THSD4: variants seen among roughly 807,000 people sequenced by gnomAD.
THSD4 encodes the protein thrombospondin type 1 domain containing 4, also known as thrombospondin type-1 domain-containing protein 4.
A neutral mutation model predicts 119.0 loss-of-function variants in THSD4; 69 were observed. That is an observed-to-expected ratio of 0.58 (90% CI 0.48 to 0.71). THSD4 has a LOEUF of 0.71. Among genes scored for constraint, THSD4 ranks in the 30% least tolerant of loss-of-function variants. THSD4 has a pLI of 0.00. For synonymous variants in THSD4, 524 were observed against 540.4 expected (o/e 0.97, Z 0.42); for missense variants, 1,393 against 1,391.1 (o/e 1.00, Z -0.02).
intron 1 of THSD4, among the ~76,000 whole-genome samples, chr15:71,123,217 C>G (rs186416436): frequency 1.3e-5 from 2 of 152,284 alleles, no homozygotes; most frequent in East Asian, 3.9e-4. Flanking sequence ...CGCTGCTGTG[C>G]GTTAGTGGTC....
rs574382519 is a variant in THSD4, at chr15:71,670,718, TC to T, written c.1357+9990del. 5.5e-4 allele frequency among the ~76,000 whole-genome samples: 83 copies of T among 151,554 alleles called. 1 individual carries two copies. Among genetic ancestry groups the T allele is most frequent in the African/African-American group, 1.8e-3 (75 of 41,266 alleles). ...TGTCCAAGTGTTCTCATTGTTCATT[TC>T]CCCCCTATGAGTGAGAACATGCGGT... On this transcript the variant is annotated intron_variant, in intron 8 of 17. Coordinates refer to ENST00000261862, the MANE Select transcript of THSD4 (RefSeq NM_024817.3).
chr15:71,691,666 T>C (rs1303029914), intron 8 of THSD4, among the ~76,000 whole-genome samples: 1 of 152,202 alleles, frequency 6.6e-6, no homozygotes, highest in Non-Finnish European at 1.5e-5. Context: ...CAACACATGG[T>C]CTCTTTTAGT....
Position 71,341,454 on chromosome 15 carries a change from T to G in THSD4, c.1016-70233T>G, listed in dbSNP as rs1226517861. 2.5e-6 allele frequency: 4 copies of G among 1,613,218 alleles called. No individual in the cohort carries two copies. In the South Asian group the frequency reaches 4.4e-5, roughly 18 times the overall value. ...AGCATGTGCAGCAAGAATTCAGCAC[T>G]CTTTTTGGGCCACCGACCTTGTGTC... On this transcript the variant is annotated intron_variant, in intron 6 of 17. Coordinates refer to ENST00000261862, the MANE Select transcript of THSD4 (RefSeq NM_024817.3).
intron 4 of THSD4, among the ~76,000 whole-genome samples, chr15:71,218,527 T>A (rs915828743): frequency 2.6e-5 from 4 of 152,218 alleles, no homozygotes; most frequent in African/African-American, 9.6e-5. Flanking sequence ...CCAGTTAAAC[T>A]GTTTACTATG....
chr15:71,757,775 G>T, intron 14 of THSD4, 127 bp from the exon 15 acceptor site: 2 of 1,212,536 alleles, frequency 1.6e-6, no homozygotes, highest in Non-Finnish European at 2.3e-6. Flanking sequence ...ACGAGAAGCT[G>T]CCAGATATTT....
intron 4 of THSD4, among the ~76,000 whole-genome samples, chr15:71,216,720 G>A (rs773018337): frequency 2.0e-5 from 3 of 152,204 alleles, no homozygotes; most frequent in African/African-American, 7.2e-5. Flanking sequence ...CCTCTAGGAC[G>A]GTCTGCTCCT....
At chr15:71,675,250 G>A (rs1189702632) in intron 8 of THSD4, among the ~76,000 whole-genome samples, 1 of 152,054 alleles carries the variant, frequency 6.6e-6, no homozygotes, top group East Asian at 1.9e-4. Flanking sequence ...CTTAATACAT[G>A]GCAGAAGAAT....
chr15:71,199,828 G>C (rs554441029), intron 3 of THSD4, among the ~76,000 whole-genome samples: 170 of 142,222 alleles, frequency 1.2e-3, no homozygotes, highest in African/African-American at 4.0e-3. Flanking sequence ...CACGTGTGGG[G>C]TGTGTGTGTG....
chr15:71,638,323 C>T (rs372928370), intron 7 of THSD4, among the ~76,000 whole-genome samples: 198 of 152,244 alleles, frequency 1.3e-3, no homozygotes, highest in African/African-American at 4.7e-3. Flanking sequence ...TTTGTGGGCC[C>T]TTGGCTTCAC....
chr15:71,324,683 C>T (rs1240340447), intron 6 of THSD4, among the ~76,000 whole-genome samples: 1 of 152,104 alleles, frequency 6.6e-6, no homozygotes, highest in Non-Finnish European at 1.5e-5. Flanking sequence ...TGTATATATA[C>T]CACATTTTCT....
chr15:71,690,381 G>A (rs1458555840), intron 8 of THSD4, among the ~76,000 whole-genome samples: 1 of 152,206 alleles, frequency 6.6e-6, no homozygotes, highest in Non-Finnish European at 1.5e-5. Flanking sequence ...GCCTGAGTCT[G>A]TACTTCTAGA....
intron 6 of THSD4, among the ~76,000 whole-genome samples, chr15:71,281,312 T>G (rs748186113): frequency 2.6e-5 from 4 of 152,246 alleles, no homozygotes; most frequent in Non-Finnish European, 5.9e-5. Context: ...AAAACAGCCA[T>G]CAGGTGAGAG....
chr15:71,411,791 G>A lies in THSD4; in HGVS notation c.1120G>A (p.Gly374Ser), dbSNP rs776054240. 43 of 1,613,934 alleles carry A rather than the reference G, an allele frequency of 2.7e-5. No homozygotes were observed. Among genetic ancestry groups the A allele is most frequent in the African/African-American group, 1.5e-4 (11 of 74,892 alleles). ...VIDGTPCDQN[G>S]TAICVSGQCK... Reference sequence around the variant, plus strand: ...CGATGGCACCCCCTGTGACCAGAACGGCACGGCCATCTGTGTGTCTGGGCA... The same window carrying A: ...CGATGGCACCCCCTGTGACCAGAACAGCACGGCCATCTGTGTGTCTGGGCA... The change falls in exon 7 of 18, where the codon GGC becomes AGC. Residue 374 changes from glycine to serine, a missense_variant. Coordinates refer to ENST00000261862, the MANE Select transcript of THSD4 (RefSeq NM_024817.3).
chr15:71,748,289 C>G (rs1341375519), intron 13 of THSD4, 132 bp from the exon 14 acceptor site: 4 of 1,112,200 alleles, frequency 3.6e-6, no homozygotes, highest in Non-Finnish European at 5.1e-6. Context: ...AGATCCCTGC[C>G]CCAGCTGGTG....
intron 6 of THSD4, among the ~76,000 whole-genome samples, chr15:71,347,272 A>G (rs2045677011): frequency 6.6e-6 from 1 of 151,932 alleles, no homozygotes; most frequent in African/African-American, 2.4e-5. Context: ...GTACTCCGTC[A>G]CCCTGAATGT....
intron 4 of THSD4, among the ~76,000 whole-genome samples, chr15:71,234,879 C>A (rs1411936437): frequency 1.3e-5 from 2 of 152,196 alleles, no homozygotes; most frequent in Non-Finnish European, 2.9e-5. Context: ...AGTTCGCCGT[C>A]CTGCTGTGGT....
chr15:71,136,181 G>C (rs1014663398), intron 1 of THSD4, among the ~76,000 whole-genome samples: 4 of 151,642 alleles, frequency 2.6e-5, no homozygotes, highest in Non-Finnish European at 4.4e-5. Context: ...TCTCAGGTGG[G>C]ACGATCCAGT....
intron 1 of THSD4, among the ~76,000 whole-genome samples, chr15:71,122,796 A>AATTG (rs2040419147): frequency 6.6e-6 from 1 of 152,120 alleles, no homozygotes; most frequent in Admixed American, 6.5e-5. Context: ...CCACTCTAAA[A>AATTG]ATTGGCACTA....
intron 6 of THSD4, among the ~76,000 whole-genome samples, chr15:71,352,032 C>T (rs2045749779): frequency 6.6e-6 from 1 of 152,246 alleles, no homozygotes; most frequent in South Asian, 2.1e-4. Flanking sequence ...CAACCCTGTA[C>T]TCTCACATCT....
Sources: gnomAD v4.1 joint callset for allele counts (sites outside exome capture counted in the v4.1 genomes callset) on GRCh38, gnomAD v4.1.1 for gene constraint, MANE v1.5 for transcripts, NCBI Gene and HGNC (gene_info 2026-07-23, HGNC 2026-07-21) for gene names.